The following IGSF3 variants were observed in gnomAD, a reference collection of about 807,000 sequenced individuals.
The protein encoded by IGSF3 is immunoglobulin superfamily member 3.
A neutral mutation model predicts 114.4 loss-of-function variants in IGSF3; 23 were observed. The observed-to-expected ratio is 0.20, with a 90% CI of 0.14 to 0.28. IGSF3 has a LOEUF of 0.28. Ranked by LOEUF, IGSF3 falls within the 10% of genes least tolerant of loss-of-function variation. The probability of loss-of-function intolerance (pLI) is 1.00; values close to 1 mark genes in which losing one functional copy is unlikely to be tolerated. For synonymous variants in IGSF3, 571 were observed against 645.2 expected, an observed-to-expected ratio of 0.88 and a Z score of 1.74; for missense variants, 1,172 against 1,591.5, an observed-to-expected ratio of 0.74 and a Z score of 4.48.
At position 116,615,633 on chromosome 1, in the gene IGSF3, G is replaced by A. The variant is rs1217292775; in HGVS notation, c.421+447C>T. The stretch of plus-strand genomic sequence containing the variant: ...GAGCCAAAGGACCTTCAATGTACAA[G>A]GTCTGAGCAAGGACCCACAGCCACA... On this transcript the variant is annotated intron_variant, in intron 3 of 10. Transcript: ENST00000369486. This position sits in a 1 kb window ranked among gnomAD's most constrained non-coding sequence, Gnocchi z 4.3. Among the ~76,000 whole-genome samples, 3 of 151,536 alleles carry A rather than the reference G, an allele frequency of 2.0e-5. No individual in the cohort carries two copies. The East Asian group carries it at 5.8e-4, about 29-fold the overall frequency.
In IGSF3 at chr1:116,579,983, A is replaced by C; in HGVS notation, c.2849-106T>G. On this transcript the variant is annotated intron_variant, in intron 9 of 10. Coordinates refer to ENST00000369486, the MANE Select transcript of IGSF3 (RefSeq NM_001007237.3). The surrounding 1 kb of genome is among the most constrained non-coding windows in gnomAD (Gnocchi z 6.4). ...CACATGATAGTAACATCCATACTAT[A>C]AGATATTATGCACCTATTGAAAAGG... is the stretch of plus-strand genomic sequence containing the variant. 9.8e-7 allele frequency: 1 copy of C among 1,024,084 alleles called. No individual in the cohort carries two copies. Among genetic ancestry groups the C allele is most frequent in the Non-Finnish European group, 1.4e-6 (1 of 721,242 alleles). 63.4% of individuals were successfully genotyped at this position (1,024,084 alleles called of 1,614,324 possible).
rs1483357670 is a variant in IGSF3, at chr1:116,576,116, C to G, written c.*1196G>C. 1 of 152,204 alleles carries G rather than the reference C, an allele frequency of 6.6e-6. No individual in the cohort carries two copies. Among genetic ancestry groups the G allele is most frequent in the Non-Finnish European group, 1.5e-5 (1 of 68,036 alleles). The allele number at this position is 152,204 out of a possible 1,614,324, so 9.4% of individuals were successfully genotyped here. On this transcript the variant is annotated 3_prime_UTR_variant, in exon 11 of 11. Coordinates refer to ENST00000369486, the MANE Select transcript of IGSF3 (RefSeq NM_001007237.3). This position sits in a 1 kb window ranked among gnomAD's most constrained non-coding sequence, Gnocchi z 4.6. The stretch of plus-strand genomic sequence containing the variant: ...TCTAATTGGAAGGAAGAAGAAAAAC[C>G]TAGTCTTCACACCTCCAGGGAGGTA...
rs1233165843 is a variant in IGSF3 at position 116,593,525 on chromosome 1, G to A, written c.2030-4421C>T. On this transcript the variant is annotated intron_variant, in intron 7 of 10. Coordinates refer to ENST00000369486, the MANE Select transcript of IGSF3 (RefSeq NM_001007237.3). The surrounding 1 kb of genome is among the most constrained non-coding windows in gnomAD (Gnocchi z 4.5). ...GAGACAAGGAAAGAATGCAGGGTGA[G>A]CTGCATGGGAAGCCAGTGGCACAGG... Among the ~76,000 whole-genome samples, 1 of 152,216 alleles carries A rather than the reference G, an allele frequency of 6.6e-6. No individual in the cohort carries two copies. The highest frequency in any genetic ancestry group is 1.5e-5 in the Non-Finnish European group (1 of 68,042).
Position 116,628,319 on chromosome 1 carries a change from A to C in IGSF3, c.44-11862T>G, listed in dbSNP as rs1647396738. ...TTTCTGTGCTCCAAATACTCAGCTT[A>C]CACATGCCTGTTGCTGCTGCACTCC... is the stretch of plus-strand genomic sequence containing the variant. On this transcript the variant is annotated intron_variant, in intron 2 of 10. Coordinates refer to ENST00000369486, the MANE Select transcript of IGSF3 (RefSeq NM_001007237.3). The surrounding 1 kb of genome is among the most constrained non-coding windows in gnomAD (Gnocchi z 4.2). Among the ~76,000 whole-genome samples the C allele has an allele frequency of 6.6e-6, 1 of 152,180 alleles. No homozygotes were observed.
chr1:116,646,606 G>A (rs570628502), intron 2 of IGSF3, among the ~76,000 whole-genome samples: 11 of 152,156 alleles, frequency 7.2e-5, no homozygotes, highest in Admixed American at 1.3e-4. Flanking sequence ...AGGGAGAATC[G>A]AGTGAGTTGT....
At position 116,647,036 on chromosome 1, in the gene IGSF3, C is replaced by CGA. The variant is rs1557884465; in HGVS notation, c.43+19246_43+19247dup. The CGA allele has an allele frequency of 6.6e-6, 1 of 152,492 alleles. No homozygotes were observed. The allele number at this position is 152,492 out of a possible 1,614,324, so 9.4% of individuals were successfully genotyped here. A position where few individuals can be genotyped will look rare whatever the true frequency, so the allele number is the denominator to read the frequency against. ...AACAAAGGAAATCCTAAAGAGCAGGCGAGAGAACAGTGGAACTGGCAGAGA... is the reference window on the plus strand; with the variant it reads ...AACAAAGGAAATCCTAAAGAGCAGGCGAGAGAGAACAGTGGAACTGGCAGAGA... On this transcript the variant is annotated intron_variant, in intron 2 of 10. Coordinates refer to ENST00000369486, the MANE Select transcript of IGSF3 (RefSeq NM_001007237.3). This position sits in a 1 kb window ranked among gnomAD's most constrained non-coding sequence, Gnocchi z 4.6.
At position 116,592,720 on chromosome 1, in the gene IGSF3, T is replaced by C. The variant is rs1309413352; in HGVS notation, c.2030-3616A>G. On this transcript the variant is annotated intron_variant, in intron 7 of 10. Transcript: ENST00000369486. This position sits in a 1 kb window ranked among gnomAD's most constrained non-coding sequence, Gnocchi z 4.5. ...TAAAGGATTCCCTTACGCTCTACTA[T>C]AGCTGTGTTACTGCTGCCTTACAAC... Among the ~76,000 whole-genome samples the C allele has an allele frequency of 6.6e-6, 1 of 152,234 alleles. No homozygotes were observed. The highest frequency in any genetic ancestry group is 1.5e-5 in the Non-Finnish European group (1 of 68,046).
In IGSF3 at chr1:116,613,845, C is replaced by T. The variant is rs1265356383; in HGVS notation, c.752G>A (p.Trp251Ter). Reference protein sequence around the residue: ...QGEFYCEAAEWIQDPDGSWYA... With the variant: ...QGEFYCEAAE ...CCACGACCCATCCGGATCCTGGATC[C>T]ACTCGGCGGCCTCGCAGTAGAATTC... The change falls in exon 4 of 11, where the codon TGG becomes TAG. Residue 251 changes from tryptophan (W) to a stop codon, truncating the protein, a stop_gained. Transcript: ENST00000369486. LOFTEE classifies it high-confidence loss of function. 1 of 1,613,868 alleles carries T rather than the reference C, an allele frequency of 6.2e-7. No homozygotes were observed. The highest frequency in any genetic ancestry group is 8.5e-7 in the Non-Finnish European group (1 of 1,179,880).
Position 116,662,934 on chromosome 1 carries a change from CT to C in IGSF3, c.43+3349del, listed in dbSNP as rs1649173126. On this transcript the variant is annotated intron_variant, in intron 2 of 10. Coordinates refer to ENST00000369486, the MANE Select transcript of IGSF3 (RefSeq NM_001007237.3). This position sits in a 1 kb window ranked among gnomAD's most constrained non-coding sequence, Gnocchi z 4.3. ...AATCCCTTTCAGAAGCCTTTTCTAA[CT>C]AACTGGGAAGTAAGAGATGGCTTCC... 6.6e-6 allele frequency among the ~76,000 whole-genome samples: 1 copy of C among 152,168 alleles called. No individual in the cohort carries two copies. The highest frequency in any genetic ancestry group is 2.1e-4 in the South Asian group (1 of 4,816).
chr1:116,651,894 C>G lies in IGSF3; in HGVS notation c.43+14390G>C, dbSNP rs1370492551. On this transcript the variant is annotated intron_variant, in intron 2 of 10. Transcript: ENST00000369486. This position sits in a 1 kb window ranked among gnomAD's most constrained non-coding sequence, Gnocchi z 4.4. ...ATTTGTTTACTGCCTGACTTCTTTG[C>G]TAGCCTATAAACTACACAAAGATGA... Among the ~76,000 whole-genome samples, 4 of 152,182 alleles carry G rather than the reference C, an allele frequency of 2.6e-5. No homozygotes were observed. Among genetic ancestry groups the G allele is most frequent in the South Asian group, 2.1e-4 (1 of 4,828 alleles).
rs532100572 is a variant in IGSF3, at chr1:116,585,685, G to A, written c.2441-633C>T. Among the ~76,000 whole-genome samples the A allele has an allele frequency of 1.3e-5, 2 of 152,310 alleles. No individual in the cohort carries two copies. Among genetic ancestry groups the A allele is most frequent in the South Asian group, 2.1e-4 (1 of 4,822 alleles). On this transcript the variant is annotated intron_variant, in intron 8 of 10. Transcript: ENST00000369486. This position sits in a 1 kb window ranked among gnomAD's most constrained non-coding sequence, Gnocchi z 4.9. ...GCCTGTAATCCCAGCACTTTGGGAC[G>A]CCGAGGTGGGTGGATCGCTTGAGGC...
chr1:116,578,151 G>A (rs926626153), intron 10 of IGSF3, among the ~76,000 whole-genome samples: 2 of 152,174 alleles, frequency 1.3e-5, no homozygotes, highest in South Asian at 2.1e-4. Flanking sequence ...AATAAACCAG[G>A]CGCCCCAAGA....
rs1324377812 is a variant in IGSF3, at chr1:116,624,853, C to A, written c.44-8396G>T. Reference sequence around the variant, plus strand: ...CCAAGGCACATGGAGAGGCCCTGGGCAGGTGCTCCAGTCCAGAGCTGGCTC... The same window carrying A: ...CCAAGGCACATGGAGAGGCCCTGGGAAGGTGCTCCAGTCCAGAGCTGGCTC... On this transcript the variant is annotated intron_variant, in intron 2 of 10. Coordinates refer to ENST00000369486, the MANE Select transcript of IGSF3 (RefSeq NM_001007237.3). This position sits in a 1 kb window ranked among gnomAD's most constrained non-coding sequence, Gnocchi z 4.9. Among the ~76,000 whole-genome samples the A allele has an allele frequency of 2.0e-5, 3 of 152,186 alleles. No homozygotes were observed. Among genetic ancestry groups the A allele is most frequent in the Admixed American group, 2.0e-4 (3 of 15,284 alleles).
Position 116,618,227 on chromosome 1 carries a change from C to T in IGSF3, c.44-1770G>A, listed in dbSNP as rs3879758. Reference sequence around the variant, plus strand: ...GGCTTCAGCAGAATCAGGAAAAATACAAAATTGGCAGGGGAAGGAAATAAA... The same window carrying T: ...GGCTTCAGCAGAATCAGGAAAAATATAAAATTGGCAGGGGAAGGAAATAAA... On this transcript the variant is annotated intron_variant, in intron 2 of 10. Coordinates refer to ENST00000369486, the MANE Select transcript of IGSF3 (RefSeq NM_001007237.3). The surrounding 1 kb of genome is among the most constrained non-coding windows in gnomAD (Gnocchi z 4.7). 2.1e-4 allele frequency among the ~76,000 whole-genome samples: 32 copies of T among 152,292 alleles called. No homozygotes were observed. The highest frequency in any genetic ancestry group is 1.4e-3 in the Admixed American group (22 of 15,304).
intron 2 of IGSF3, among the ~76,000 whole-genome samples, chr1:116,621,593 T>C (rs1262287588): frequency 6.6e-6 from 1 of 152,156 alleles, no homozygotes; most frequent in Non-Finnish European, 1.5e-5. Context: ...CCTTTAAGCC[T>C]TAAGTTTGGG....
rs1214772621 is a variant in IGSF3 at position 116,625,413 on chromosome 1, C to T, written c.44-8956G>A. Among the ~76,000 whole-genome samples the T allele has an allele frequency of 6.6e-6, 1 of 152,220 alleles. No individual in the cohort carries two copies. Among genetic ancestry groups the T allele is most frequent in the Non-Finnish European group, 1.5e-5 (1 of 68,044 alleles). On this transcript the variant is annotated intron_variant, in intron 2 of 10. Transcript: ENST00000369486. This position sits in a 1 kb window ranked among gnomAD's most constrained non-coding sequence, Gnocchi z 4.7. ...CCACGTGAAAACACTGCAGTGCATTCCAGGATTAGCAAGAAGTTTGCGGAG... is the reference window on the plus strand; with the variant it reads ...CCACGTGAAAACACTGCAGTGCATTTCAGGATTAGCAAGAAGTTTGCGGAG...
chr1:116,633,723 T>A lies in IGSF3; in HGVS notation c.44-17266A>T, dbSNP rs1647699158. Among the ~76,000 whole-genome samples the A allele has an allele frequency of 6.6e-6, 1 of 152,092 alleles. No individual in the cohort carries two copies. Among genetic ancestry groups the A allele is most frequent in the Non-Finnish European group, 1.5e-5 (1 of 68,024 alleles). ...GTGCCTTAGAACCAAAAATAAAAAA[T>A]AAAAATTCAAAATCATGATCTTAGG... On this transcript the variant is annotated intron_variant, in intron 2 of 10. Transcript: ENST00000369486. This position sits in a 1 kb window ranked among gnomAD's most constrained non-coding sequence, Gnocchi z 4.3.
In IGSF3 at chr1:116,628,585, G is replaced by A. The variant is rs1647413332; in HGVS notation, c.44-12128C>T. Among the ~76,000 whole-genome samples, 1 of 152,138 alleles carries A rather than the reference G, an allele frequency of 6.6e-6. No homozygotes were observed. The highest frequency in any genetic ancestry group is 1.5e-5 in the Non-Finnish European group (1 of 68,030). On this transcript the variant is annotated intron_variant, in intron 2 of 10. Transcript: ENST00000369486. This position sits in a 1 kb window ranked among gnomAD's most constrained non-coding sequence, Gnocchi z 4.2. ...CCAAACCATTCCCCACCAAGAGTGT[G>A]GGTGGCAGGCACCCTGAAATATGTC...
At chr1:116,601,976 G>T (rs911874939) in intron 6 of IGSF3, among the ~76,000 whole-genome samples, 2 of 152,218 alleles carry the variant, frequency 1.3e-5, no homozygotes, top group African/African-American at 2.4e-5. Context: ...TGCTCTAACC[G>T]AACAGCCATA....
Sources: allele counts gnomAD v4.1 joint callset (sites outside exome capture counted in the v4.1 genomes callset), GRCh38; gene constraint gnomAD v4.1.1; non-coding constraint Gnocchi (gnomAD v3.1); transcripts MANE v1.5; gene names NCBI Gene and HGNC (gene_info 2026-07-23, HGNC 2026-07-21).